Variants in ZNF738 observed in about 807,000 individuals in gnomAD.
ZNF738 encodes the protein zinc finger protein 738, also known as protein ZNF738.
Under a neutral mutation model 9.2 loss-of-function variants are expected in ZNF738, and 10 were observed. That is an observed-to-expected ratio of 1.09 (90% CI 0.67 to 1.85). The LOEUF (loss-of-function observed/expected upper bound fraction) is 1.85. ZNF738 is among the 40% of genes most tolerant of loss of function. The probability of loss-of-function intolerance (pLI) is 0.00; values close to 1 mark genes in which losing one functional copy is unlikely to be tolerated. For missense variants in ZNF738, 346 were observed against 283.6 expected, an observed-to-expected ratio of 1.22 and a Z score of -1.58; for synonymous variants, 113 against 94.5, an observed-to-expected ratio of 1.20 and a Z score of -1.14.
At chr19:21,361,686 G>T in intron 1 of ZNF738, 80 bp from the exon 2 acceptor site, 1 of 744,644 alleles carries the variant, frequency 1.3e-6, no homozygotes, top group South Asian at 1.4e-5. Context: ...ATTATCTGGG[G>T]ATAAACCGAG....
intron 3 of ZNF738, 87 bp downstream of exon 3, chr19:21,375,451 C>A: frequency 1.7e-6 from 1 of 593,736 alleles, no homozygotes; most frequent in Non-Finnish European, 3.1e-6. Flanking sequence ...GTAGTTTATG[C>A]TTTGCATAAA....
chr19:21,367,259 A>G (rs1420448510), intron 2 of ZNF738, among the ~76,000 whole-genome samples: 1 of 152,040 alleles, frequency 6.6e-6, no homozygotes, highest in Non-Finnish European at 1.5e-5. Flanking sequence ...TCAGTTGTAT[A>G]TTTTATAATA....
At chr19:21,359,701 C>T (rs1452032920) in intron 1 of ZNF738, among the ~76,000 whole-genome samples, 1 of 152,090 alleles carries the variant, frequency 6.6e-6, no homozygotes, top group Non-Finnish European at 1.5e-5. Context: ...CACGGTGAAA[C>T]CCCGTCTCTA....
intron 2 of ZNF738, among the ~76,000 whole-genome samples, chr19:21,371,723 G>T (rs549449825): frequency 6.6e-6 from 1 of 151,788 alleles, no homozygotes; most frequent in Non-Finnish European, 1.5e-5. Context: ...TAATATTGTT[G>T]TGACTTCTGA....
In ZNF738 at chr19:21,385,891, A is replaced by AGG. The variant is rs1363685566; in HGVS notation, c.*2217_*2218insGG. Among the ~76,000 whole-genome samples the AGG allele has an allele frequency of 6.6e-6, 1 of 152,020 alleles. No homozygotes were observed. Among genetic ancestry groups the AGG allele is most frequent in the Non-Finnish European group, 1.5e-5 (1 of 68,006 alleles). ...TGGCAAAGGCTTTAATTTGTCCTCA[A>AGG]CACTTACTAAACAGAATTCATAGCA... On this transcript the variant is annotated 3_prime_UTR_variant, in exon 5 of 5. Coordinates refer to ENST00000683779, the MANE Select transcript of ZNF738 (RefSeq NM_001355237.2).
chr19:21,373,171 T>G (rs2145230384), intron 2 of ZNF738, among the ~76,000 whole-genome samples: 1 of 152,312 alleles, frequency 6.6e-6, no homozygotes, highest in Non-Finnish European at 1.5e-5. Context: ...TTTGAGCTCA[T>G]TAAAGGTTGA....
intron 2 of ZNF738, among the ~76,000 whole-genome samples, chr19:21,365,653 G>A (rs1973766388): frequency 6.6e-6 from 1 of 152,034 alleles, no homozygotes; most frequent in Non-Finnish European, 1.5e-5. Context: ...ATTAGTAAGT[G>A]TTTAATTTAA....
rs567769557 is a variant in ZNF738, at chr19:21,365,773, T to C, written c.96+3915T>C. ...GGAGTTCAAGACCAGCCTGACCAAA[T>C]GACGAAACCCTGTCTCTACCAAAAA... On this transcript the variant is annotated intron_variant, in intron 2 of 4. Coordinates refer to ENST00000683779, the MANE Select transcript of ZNF738 (RefSeq NM_001355237.2). 1.0e-3 allele frequency among the ~76,000 whole-genome samples: 157 copies of C among 151,976 alleles called. 3 individuals carry two copies. The highest frequency in any genetic ancestry group is 3.6e-3 in the African/African-American group (148 of 41,460).
At position 21,384,800 on chromosome 19, in the gene ZNF738, T is replaced by C. The variant is rs945008178; in HGVS notation, c.*1126T>C. On this transcript the variant is annotated 3_prime_UTR_variant, in exon 5 of 5. Coordinates refer to ENST00000683779, the MANE Select transcript of ZNF738 (RefSeq NM_001355237.2). ...CTTATAACTGGTCCTCAAACCTTAC[T>C]AAACATAAGAAAATTCATACTGGAG... Among the ~76,000 whole-genome samples, 3 of 152,200 alleles carry C rather than the reference T, an allele frequency of 2.0e-5. No homozygotes were observed. Among genetic ancestry groups the C allele is most frequent in the African/African-American group, 7.2e-5 (3 of 41,448 alleles).
At position 21,385,492 on chromosome 19, in the gene ZNF738, G is replaced by A. The variant is rs1974056544; in HGVS notation, c.*1818G>A. Among the ~76,000 whole-genome samples the A allele has an allele frequency of 6.6e-6, 1 of 151,664 alleles. No individual in the cohort carries two copies. The highest frequency in any genetic ancestry group is 2.1e-4 in the South Asian group (1 of 4,806). ...ATAAATAAATAAAAAAAATAAGAGAGTTCATACTAGAGAGAAACCCTGCAA... is the reference window on the plus strand; with the variant it reads ...ATAAATAAATAAAAAAAATAAGAGAATTCATACTAGAGAGAAACCCTGCAA... On this transcript the variant is annotated 3_prime_UTR_variant, in exon 5 of 5. Coordinates refer to ENST00000683779, the MANE Select transcript of ZNF738 (RefSeq NM_001355237.2).
chr19:21,360,777 T>C (rs1339972138), intron 1 of ZNF738, among the ~76,000 whole-genome samples: 2 of 151,570 alleles, frequency 1.3e-5, no homozygotes, highest in Non-Finnish European at 2.9e-5. Context: ...TGTACTTTTT[T>C]ATACCGTATT....
At chr19:21,361,912 C>T in intron 2 of ZNF738, 54 bp downstream of exon 2, 2 of 722,926 alleles carry the variant, frequency 2.8e-6, no homozygotes, top group Non-Finnish European at 5.1e-6. Flanking sequence ...AAAACATGCT[C>T]TACTAAAAAT....
chr19:21,366,048 G>C (rs1181908185), intron 2 of ZNF738, among the ~76,000 whole-genome samples: 1 of 152,108 alleles, frequency 6.6e-6, no homozygotes, highest in African/African-American at 2.4e-5. Context: ...AGTTCAGGCA[G>C]CCGCTTCTTG....
chr19:21,373,591 T>G (rs1266727058), intron 2 of ZNF738, among the ~76,000 whole-genome samples: 1 of 152,184 alleles, frequency 6.6e-6, no homozygotes, highest in South Asian at 2.1e-4. Flanking sequence ...ATCTCTGCTG[T>G]TATAAAGGAC....
Position 21,387,133 on chromosome 19 carries a change from G to A in ZNF738, c.*3459G>A, listed in dbSNP as rs1974077115. The A allele has an allele frequency of 6.5e-6, 1 of 153,954 alleles. No homozygotes were observed. Among genetic ancestry groups the A allele is most frequent in the South Asian group, 2.1e-4 (1 of 4,834 alleles). The allele number at this position is 153,954 out of a possible 1,614,324, so 9.5% of individuals were successfully genotyped here. A position where few individuals can be genotyped will look rare whatever the true frequency, so the allele number is the denominator to read the frequency against. ...TAACCATAAAAAGAATCATATTGGT[G>A]AGAAATCCTAGAAATGTGAAGAATG... On this transcript the variant is annotated 3_prime_UTR_variant, in exon 5 of 5. Transcript: ENST00000683779.
Position 21,385,712 on chromosome 19 carries a change from A to G in ZNF738, c.*2038A>G, listed in dbSNP as rs1974058679. Among the ~76,000 whole-genome samples, 1 of 152,206 alleles carries G rather than the reference A, an allele frequency of 6.6e-6. No homozygotes were observed. Among genetic ancestry groups the G allele is most frequent in the Non-Finnish European group, 1.5e-5 (1 of 68,030 alleles). On this transcript the variant is annotated 3_prime_UTR_variant, in exon 5 of 5. Coordinates refer to ENST00000683779, the MANE Select transcript of ZNF738 (RefSeq NM_001355237.2). Reference sequence around the variant, plus strand: ...TGTCAAGAATGTGGCAAAGCTTTTAACCGGTACTCAACCCTTACTACACAT... The same window carrying G: ...TGTCAAGAATGTGGCAAAGCTTTTAGCCGGTACTCAACCCTTACTACACAT...
chr19:21,362,121 AATAATAATAATG>A (rs1206794786), intron 2 of ZNF738, among the ~76,000 whole-genome samples: 7 of 81,992 alleles, frequency 8.5e-5, no homozygotes, highest in African/African-American at 3.7e-4. Flanking sequence ...TAATAATAAT[AATAATAATAATG>A]AATAAATTGT....
At chr19:21,375,760 G>A in intron 3 of ZNF738, 109 bp from the exon 4 acceptor site, 1 of 520,868 alleles carries the variant, frequency 1.9e-6, no homozygotes, top group Non-Finnish European at 3.5e-6. Context: ...TAGTATTTTG[G>A]GATGAATTTT....
At chr19:21,380,947 A>G (rs959545453) in intron 4 of ZNF738, among the ~76,000 whole-genome samples, 3 of 152,204 alleles carry the variant, frequency 2.0e-5, no homozygotes, top group African/African-American at 2.4e-5. Flanking sequence ...GTGCCCAGGA[A>G]GGCAACTTTA....
Sources: allele counts gnomAD v4.1 joint callset (sites outside exome capture counted in the v4.1 genomes callset), GRCh38; gene constraint gnomAD v4.1.1; transcripts MANE v1.5; gene names NCBI Gene and HGNC (gene_info 2026-07-23, HGNC 2026-07-21).